Variants in WDR90 observed in about 807,000 individuals in gnomAD.
WDR90 encodes WD repeat-containing protein 90.
In WDR90, 238 loss-of-function variants were observed where a neutral mutation model predicts 195.2. That is an observed-to-expected ratio of 1.22 (90% CI 1.10 to 1.36). The LOEUF is 1.36. Ranked by LOEUF, WDR90 falls within the 40% of genes most tolerant of loss-of-function variation. The pLI is 0.00. For synonymous variants in WDR90, 1,265 were observed against 1,052.4 expected, an observed-to-expected ratio of 1.20 and a Z score of -3.91; for missense variants, 2,734 against 2,439.5, an observed-to-expected ratio of 1.12 and a Z score of -2.54.
In WDR90 at chr16:667,764, C is replaced by T. The variant is rs752666140; in HGVS notation, c.*175C>T. The T allele has an allele frequency of 1.5e-5, 13 of 867,662 alleles. No homozygotes were observed. Among genetic ancestry groups the T allele is most frequent in the Admixed American group, 4.2e-5 (2 of 47,574 alleles). The allele number at this position is 867,662 out of a possible 1,614,324, so 53.7% of individuals were successfully genotyped here. ...TGGCGCCCTGTGAATACTTTCATAC[C>T]TGTTGCCCTTTTGCCTAAGAAATCT... On this transcript the variant is annotated 3_prime_UTR_variant, in exon 41 of 41. Transcript: ENST00000293879.
At chr16:649,463 G>A (rs2037592986) in intron 1 of WDR90, 37 bp downstream of exon 1, 2 of 1,286,726 alleles carry the variant, frequency 1.6e-6, no homozygotes, top group Non-Finnish European at 2.0e-6. Context: ...AGGATCCCGG[G>A]TTCCGGGGTT....
At position 650,294 on chromosome 16, in the gene WDR90, A is replaced by G; in HGVS notation, c.320A>G (p.Lys107Arg). 1 of 1,613,010 alleles carries G rather than the reference A, an allele frequency of 6.2e-7. No homozygotes were observed. The highest frequency in any genetic ancestry group is 8.5e-7 in the Non-Finnish European group (1 of 1,179,968). The change falls in exon 4 of 41, where the codon AAG (lysine) becomes AGG (arginine). Residue 107 changes from lysine (K) to arginine (R), a missense_variant. Transcript: ENST00000293879. Reference sequence around the variant, plus strand: ...CGTGTGTCTTTCTCCAACCTCTTCAAGGAGTTTAAGTCTACGGCCACGTGG... The same window carrying G: ...CGTGTGTCTTTCTCCAACCTCTTCAGGGAGTTTAAGTCTACGGCCACGTGG... ...VIRVSFSNLF[K>R]EFKSTATWLQ...
chr16:651,409 C>T (rs930208116), intron 7 of WDR90, 143 bp downstream of exon 7: 50 of 1,148,938 alleles, frequency 4.4e-5, no homozygotes, highest in Admixed American at 3.8e-4. Context: ...GTAGGTTGTC[C>T]GAGTTCCCAG....
intron 9 of WDR90, 132 bp downstream of exon 9, chr16:652,171 C>A: frequency 2.6e-6 from 3 of 1,161,024 alleles, no homozygotes; most frequent in South Asian, 1.5e-5. Context: ...TGGCAAGGAG[C>A]AGAGCTGGCG....
At chr16:657,054 G>T in intron 19 of WDR90, 37 bp from the exon 20 acceptor site, 1 of 1,590,860 alleles carries the variant, frequency 6.3e-7, no homozygotes, top group Non-Finnish European at 8.5e-7. Flanking sequence ...CCTGGGCTTC[G>T]GGGCTAGGGC....
At chr16:659,192 C>G in intron 25 of WDR90, 53 bp from the exon 26 acceptor site, 1 of 1,610,438 alleles carries the variant, frequency 6.2e-7, no homozygotes, top group Middle Eastern at 1.7e-4. Context: ...CTGTGTCTGC[C>G]TAGTGGCCCT....
intron 30 of WDR90, 31 bp from the exon 31 acceptor site, chr16:661,566 A>G: frequency 1.3e-6 from 2 of 1,579,996 alleles, no homozygotes; most frequent in East Asian, 2.3e-5. Context: ...GCATCTGTGC[A>G]CCTGACGTGG....
Position 659,115 on chromosome 16 carries a change from C to G in WDR90, c.3041C>G (p.Ala1014Gly), listed in dbSNP as rs751122380. ...SDQSFPGAPP[A>G]CKTGPGAGPL... ...CAAAGCTTCCCCGGGGCCCCCCCAG[C>G]CTGCAAGACAGGTGAGTGGCTGTGC... Residue 1014 changes from alanine (A) to glycine (G), a missense_variant, in exon 25 of 41, where the codon GCC (alanine) becomes GGC (glycine). Physicochemically the swap from Ala to Gly is moderately conservative, Grantham distance 60 (BLOSUM62 0). Transcript: ENST00000293879. 7.5e-5 allele frequency: 121 copies of G among 1,611,900 alleles called. No individual in the cohort carries two copies. Among genetic ancestry groups the G allele is most frequent in the Non-Finnish European group, 9.1e-5 (107 of 1,179,896 alleles).
intron 20 of WDR90, 121 bp from the exon 21 acceptor site, chr16:657,641 G>C: frequency 1.5e-6 from 2 of 1,351,212 alleles, no homozygotes; most frequent in South Asian, 1.6e-5. Flanking sequence ...GGTGTGATGC[G>C]TCTGTGCTCC....
rs777585697 is a variant in WDR90 at position 660,717 on chromosome 16, G to C, written c.3391+3G>C. ...CATGGTCTGGAGGCCGGACACAGGT[G>C]GGGGCCAAGAGCCTACCCCCACCCC... is the stretch of plus-strand genomic sequence containing the variant. On this transcript the variant is annotated splice_donor_region_variant and intron_variant, in intron 28 of 40. Coordinates refer to ENST00000293879, the MANE Select transcript of WDR90 (RefSeq NM_145294.5). 120 of 1,557,164 alleles carry C rather than the reference G, an allele frequency of 7.7e-5. No individual in the cohort carries two copies. The Middle Eastern group carries it at 1.0e-3, about 13-fold the overall frequency.
In WDR90 at chr16:651,947, G is replaced by A. The variant is rs780855673; in HGVS notation, c.961G>A (p.Glu321Lys). Residue 321 changes from glutamate to lysine, a missense_variant, in exon 9 of 41, where the codon GAG (glutamate) becomes AAG (lysine). Physicochemically the swap from Glu to Lys is moderately conservative, Grantham distance 56 (BLOSUM62 1). Transcript: ENST00000293879. Reference protein sequence around the residue: ...FHSLEPWAQLEASDIHTAAAG... With the variant: ...FHSLEPWAQLKASDIHTAAAG... ...TAGCCTTGAGCCCTGGGCCCAGCTG[G>A]AGGCCTCTGACATCCACACGGCTGC... The A allele has an allele frequency of 6.2e-7, 1 of 1,608,516 alleles. No homozygotes were observed. The highest frequency in any genetic ancestry group is 1.7e-5 in the Admixed American group (1 of 59,598).
At chr16:666,170 C>A (rs989848544) in intron 36 of WDR90, 46 bp downstream of exon 36, 1 of 1,605,994 alleles carries the variant, frequency 6.2e-7, no homozygotes, top group Admixed American at 1.7e-5. Context: ...TGACCTGGCC[C>A]AGGTCCAGTC....
chr16:662,506 G>C (rs371306185), intron 33 of WDR90, 173 bp from the exon 34 acceptor site: 3 of 1,183,422 alleles, frequency 2.5e-6, no homozygotes, highest in Admixed American at 5.3e-5. Context: ...TGTCGAGTAC[G>C]GGCATGGGCC....
In WDR90 at chr16:660,063, A is replaced by G; in HGVS notation, c.3190A>G (p.Arg1064Gly). Residue 1064 changes from arginine (R) to glycine (G), a missense_variant, in exon 27 of 41, where the codon AGG becomes GGG. Coordinates refer to ENST00000293879, the MANE Select transcript of WDR90 (RefSeq NM_145294.5). ...CTCTGCCTCCTCCCTGCCAGGCGCC[A>G]GGGACACCAGGAATTCGGGGGCCCC... is the stretch of plus-strand genomic sequence containing the variant. ...ARPPEGGDGA[R>G]DTRNSGAPRT... 6.5e-7 allele frequency: 1 copy of G among 1,543,340 alleles called. No individual in the cohort carries two copies.
At chr16:657,700 GCCCTGGCCACGCGCA>G in intron 20 of WDR90, 47 bp from the exon 21 acceptor site, 1 of 1,471,800 alleles carries the variant, frequency 6.8e-7, no homozygotes, top group Non-Finnish European at 9.0e-7. Flanking sequence ...GCCTCCTCGG[GCCCTGGCCACGCGCA>G]CCCCGGCACT....
intron 10 of WDR90, 124 bp from the exon 11 acceptor site, chr16:653,217 G>A (rs1198059035): frequency 5.4e-6 from 4 of 735,688 alleles, no homozygotes; most frequent in Non-Finnish European, 8.6e-6. Flanking sequence ...TGTGTGCCCA[G>A]GTGTGTGTGC....
chr16:651,249 G>C lies in WDR90; in HGVS notation c.719G>C (p.Cys240Ser). ...CCTTCCAAGCCGATTGAGAAGAGCT[G>C]TTCCCCTCCTGAGGCAGGTGGGTCT... Reference protein sequence around the residue: ...KVPSKPIEKSCSPPEAVLLGP... With the variant: ...KVPSKPIEKSSSPPEAVLLGP... Residue 240 changes from cysteine to serine, a missense_variant, in exon 7 of 41, where the codon TGT (cysteine) becomes TCT (serine). Coordinates refer to ENST00000293879, the MANE Select transcript of WDR90 (RefSeq NM_145294.5). The C allele has an allele frequency of 6.2e-7, 1 of 1,613,180 alleles. No homozygotes were observed. The highest frequency in any genetic ancestry group is 2.2e-5 in the East Asian group (1 of 44,872).
In WDR90 at chr16:662,244, G is replaced by A. The variant is rs1362424927; in HGVS notation, c.4058G>A (p.Arg1353Gln). The A allele has an allele frequency of 8.9e-6, 14 of 1,579,830 alleles. No individual in the cohort carries two copies. The African/African-American group carries it at 1.1e-4, about 12-fold the overall frequency. ...GGGCTGTTGCTGTTCTCGGGTTCTC[G>A]ATTGGTCAGCGGCAGCAGCACGGGG... ...GIGLLLFSGS[R>Q]LVSGSSTGRL... The change falls in exon 33 of 41, where the codon CGA (arginine) becomes CAA (glutamine). Residue 1353 changes from arginine (R) to glutamine (Q), a missense_variant. Arg to Gln is a conservative substitution (Grantham distance 43). Transcript: ENST00000293879.
chr16:649,279 C>A, upstream of WDR90: 1 of 1,091,026 alleles, frequency 9.2e-7, no homozygotes, highest in Non-Finnish European at 1.2e-6. Context: ...GGGGAGGTCA[C>A]GTGGCCAGGG....
Sources: gnomAD v4.1 joint callset for allele counts on GRCh38, gnomAD v4.1.1 for gene constraint, MANE v1.5 for transcripts, NCBI Gene and HGNC (gene_info 2026-07-23, HGNC 2026-07-21) for gene names.